WFDC9: variants seen among roughly 807,000 people sequenced by gnomAD.
WFDC9 encodes the protein protein WFDC9.
A neutral mutation model predicts 9.5 loss-of-function variants in WFDC9; 9 were observed. That is an observed-to-expected ratio of 0.95 (90% CI 0.57 to 1.65). The LOEUF is 1.65. Among genes scored for constraint, WFDC9 ranks in the 40% most tolerant of loss-of-function variants. WFDC9 has a pLI of 0.00. For synonymous variants in WFDC9, 33 were observed against 32.3 expected, an observed-to-expected ratio of 1.02 and a Z score of -0.07; for missense variants, 87 against 106.7, an observed-to-expected ratio of 0.82 and a Z score of 0.81.
At chr20:45,628,329 A>G (rs1982269829) in intron 1 of WFDC9, among the ~76,000 whole-genome samples, 1 of 152,174 alleles carries the variant, frequency 6.6e-6, no homozygotes, top group African/African-American at 2.4e-5. Context: ...GTTGTCATCT[A>G]TACTGAGCTG....
chr20:45,621,084 A>G (rs927705964), intron 1 of WFDC9, among the ~76,000 whole-genome samples: 1 of 152,086 alleles, frequency 6.6e-6, no homozygotes, highest in African/African-American at 2.4e-5. Context: ...TCAGACATCT[A>G]TTGGATGAAT....
intron 1 of WFDC9, among the ~76,000 whole-genome samples, chr20:45,624,520 A>G (rs1270134040): frequency 3.9e-5 from 6 of 152,198 alleles, no homozygotes; most frequent in African/African-American, 1.2e-4. Context: ...TAGTGCTGCA[A>G]TAAACATGGG....
intron 1 of WFDC9, among the ~76,000 whole-genome samples, chr20:45,623,239 C>A (rs986152609): frequency 6.6e-6 from 1 of 152,070 alleles, no homozygotes; most frequent in Non-Finnish European, 1.5e-5. Context: ...ACAAAGATCC[C>A]AAAATTAATC....
rs2145594645 is a variant in WFDC9 at position 45,610,253 on chromosome 20, A to G, written c.-58-14T>C. Reference sequence around the variant, plus strand: ...CTTTTCCCAATACTGCTAGACGTAGAAAATGGATTGAGGAGAACAGGGTAA... The same window carrying G: ...CTTTTCCCAATACTGCTAGACGTAGGAAATGGATTGAGGAGAACAGGGTAA... On this transcript the variant is annotated splice_polypyrimidine_tract_variant and intron_variant, in intron 2 of 4. Transcript: ENST00000326000. 3.0e-6 allele frequency: 4 copies of G among 1,341,770 alleles called. No individual in the cohort carries two copies. The highest frequency in any genetic ancestry group is 1.9e-5 in the Admixed American group (1 of 53,752). The allele number at this position is 1,341,770 out of a possible 1,614,324, so 83.1% of individuals were successfully genotyped here.
chr20:45,621,612 C>G lies in WFDC9; in HGVS notation c.-152-6891G>C, dbSNP rs561453101. Among the ~76,000 whole-genome samples, 3 of 152,284 alleles carry G rather than the reference C, an allele frequency of 2.0e-5. No individual in the cohort carries two copies. In the South Asian group the frequency reaches 6.2e-4, roughly 32 times the overall value. On this transcript the variant is annotated intron_variant, in intron 1 of 4. Coordinates refer to ENST00000326000, the MANE Select transcript of WFDC9 (RefSeq NM_147198.4). The stretch of plus-strand genomic sequence containing the variant: ...AGATATCTGCTTTTATTTTGGGAGT[C>G]TGGAATTTTGGTACATGCTAGGCAG...
chr20:45,608,974 G>A (rs1359136161), intron 3 of WFDC9, among the ~76,000 whole-genome samples, 164 bp from the exon 4 acceptor site: 2 of 152,082 alleles, frequency 1.3e-5, no homozygotes, highest in Non-Finnish European at 2.9e-5. Flanking sequence ...CTTGTCACAA[G>A]ACCATCCTTG....
At chr20:45,624,238 C>T (rs1440688096) in intron 1 of WFDC9, among the ~76,000 whole-genome samples, 1 of 152,128 alleles carries the variant, frequency 6.6e-6, no homozygotes, top group East Asian at 1.9e-4. Flanking sequence ...CACTATGCTT[C>T]CTAGCTTCTA....
chr20:45,625,012 T>G (rs539776740), intron 1 of WFDC9, among the ~76,000 whole-genome samples: 28 of 152,326 alleles, frequency 1.8e-4, no homozygotes, highest in African/African-American at 6.7e-4. Context: ...GAATAATGTA[T>G]TAGTCTGTTC....
At chr20:45,622,520 A>G (rs1343374163) in intron 1 of WFDC9, among the ~76,000 whole-genome samples, 1 of 152,162 alleles carries the variant, frequency 6.6e-6, no homozygotes, top group East Asian at 1.9e-4. Context: ...ACATACCTTA[A>G]TCTTCCTTTT....
chr20:45,613,761 T>A (rs1360160850), intron 2 of WFDC9, among the ~76,000 whole-genome samples: 1 of 152,216 alleles, frequency 6.6e-6, no homozygotes, highest in Non-Finnish European at 1.5e-5. Flanking sequence ...GGCAAGATAC[T>A]CATTCCTTGA....
At chr20:45,629,674 C>A in intron 1 of WFDC9, 2 of 1,103,072 alleles carry the variant, frequency 1.8e-6, no homozygotes, top group Non-Finnish European at 1.3e-6. Context: ...GACTCTCTTG[C>A]TCTGCTCCGA....
Position 45,608,752 on chromosome 20 carries a change from A to G in WFDC9, c.150T>C (p.Cys50=). The G allele has an allele frequency of 1.2e-6, 2 of 1,613,248 alleles. No homozygotes were observed. The highest frequency in any genetic ancestry group is 2.7e-5 in the African/African-American group (2 of 75,004). The change falls in exon 4 of 5, where the codon TGT becomes TGC. Residue 50 remains cysteine (C), a synonymous_variant. Coordinates refer to ENST00000326000, the MANE Select transcript of WFDC9 (RefSeq NM_147198.4). ...QCWVQPPYKY[C]EKRCTKIMTC... ...TCATTATTTTAGTACACCTTTTCTCACAGTACTTATATGGAGGCTGTACCC... is the reference window on the plus strand; with the variant it reads ...TCATTATTTTAGTACACCTTTTCTCGCAGTACTTATATGGAGGCTGTACCC...
At chr20:45,627,415 G>A (rs1355172384) in intron 1 of WFDC9, among the ~76,000 whole-genome samples, 4 of 152,124 alleles carry the variant, frequency 2.6e-5, no homozygotes, top group African/African-American at 7.2e-5. Context: ...TATTTAAAGG[G>A]TCATAGAATT....
At chr20:45,615,620 A>G (rs1981956180) in intron 1 of WFDC9, among the ~76,000 whole-genome samples, 1 of 152,142 alleles carries the variant, frequency 6.6e-6, no homozygotes, top group Admixed American at 6.5e-5. Flanking sequence ...TTTTATTTAT[A>G]TATTTATTTA....
chr20:45,628,500 T>C (rs1982273343), intron 1 of WFDC9, among the ~76,000 whole-genome samples: 1 of 152,226 alleles, frequency 6.6e-6, no homozygotes, highest in South Asian at 2.1e-4. Context: ...TTCTCCTCTA[T>C]ATAACCCCTC....
intron 1 of WFDC9, among the ~76,000 whole-genome samples, chr20:45,616,378 A>G (rs1418320065): frequency 6.6e-6 from 1 of 152,168 alleles, no homozygotes; most frequent in Non-Finnish European, 1.5e-5. Flanking sequence ...TTCAGGCTGC[A>G]CTTCTAATTC....
intron 1 of WFDC9, among the ~76,000 whole-genome samples, chr20:45,617,681 G>T (rs759863135): frequency 1.7e-4 from 26 of 152,014 alleles, no homozygotes; most frequent in Non-Finnish European, 3.1e-4. Context: ...TTGAGATGGG[G>T]TCTCACTATG....
intron 1 of WFDC9, among the ~76,000 whole-genome samples, chr20:45,627,444 GT>G (rs1475020956): frequency 1.3e-5 from 2 of 152,142 alleles, no homozygotes; most frequent in Admixed American, 6.6e-5. Context: ...AAGCCATATG[GT>G]TCTGGACTTT....
At chr20:45,625,202 C>T (rs4812942) in intron 1 of WFDC9, among the ~76,000 whole-genome samples, 2,105 of 152,212 alleles carry the variant, frequency 0.014, 88 homozygotes, top group Admixed American at 0.097. Context: ...GCAGGGGAAA[C>T]TGCACCTTTT....
Sources: gnomAD v4.1 joint callset for allele counts (sites outside exome capture counted in the v4.1 genomes callset) on GRCh38, gnomAD v4.1.1 for gene constraint, MANE v1.5 for transcripts, NCBI Gene and HGNC (gene_info 2026-07-23, HGNC 2026-07-21) for gene names.